Variants in ARHGEF4 observed in about 807,000 individuals in gnomAD.
ARHGEF4 encodes Rho guanine nucleotide exchange factor 4.
Under a neutral mutation model 162.0 loss-of-function variants are expected in ARHGEF4, and 119 were observed. The ratio of observed to expected loss-of-function variants is 0.73; its 90% confidence interval spans 0.63 to 0.86. The LOEUF is 0.86. Ranked by LOEUF, ARHGEF4 falls within the 40% of genes least tolerant of loss-of-function variation. The pLI, the probability that ARHGEF4 is intolerant of heterozygous loss-of-function variation, is 0.00. For synonymous variants in ARHGEF4, 1,014 were observed against 979.9 expected (o/e 1.03, Z -0.65); for missense variants, 2,488 against 2,456.0 (o/e 1.01, Z -0.28).
At chr2:131,002,756 G>A (rs926320058) in intron 4 of ARHGEF4, among the ~76,000 whole-genome samples, 8 of 150,990 alleles carry the variant, frequency 5.3e-5, no homozygotes, top group African/African-American at 1.9e-4. Flanking sequence ...TGTGGGGGCT[G>A]GGGGTGAAGG....
At chr2:131,042,203 G>C (rs369241358) in intron 10 of ARHGEF4, among the ~76,000 whole-genome samples, 115 of 152,346 alleles carry the variant, frequency 7.5e-4, no homozygotes, top group African/African-American at 2.6e-3. Context: ...CAGCCCAGGA[G>C]AAGCCCTCAA....
At position 130,859,422 on chromosome 2, in the gene ARHGEF4, C is replaced by T. The variant is rs560000400; in HGVS notation, c.39+22430C>T. On this transcript the variant is annotated intron_variant, in intron 1 of 13. Transcript: ENST00000409359. ...AAAAATTTCAAATCAAATTGTGTAT[C>T]TGATAAAGAATTTGTATCCAGAATA... is the stretch of plus-strand genomic sequence containing the variant. Among the ~76,000 whole-genome samples, 26 of 93,920 alleles carry T rather than the reference C, an allele frequency of 2.8e-4. 2 individuals are homozygous for T. Among genetic ancestry groups the T allele is most frequent in the African/African-American group, 6.8e-4 (24 of 35,092 alleles). The allele number at this position is 93,920 out of a possible 152,430, so 61.6% of individuals were successfully genotyped here. A position where few individuals can be genotyped will look rare whatever the true frequency, so the allele number is the denominator to read the frequency against.
In ARHGEF4 at chr2:131,045,571, G is replaced by A. The variant is rs1443211371; in HGVS notation, c.5479+125G>A. 4 of 1,601,348 alleles carry A rather than the reference G, an allele frequency of 2.5e-6. No homozygotes were observed. In the African/African-American group the frequency reaches 4.0e-5, roughly 16 times the overall value. On this transcript the variant is annotated intron_variant, in intron 13 of 13. Transcript: ENST00000409359. Reference sequence around the variant, plus strand: ...GCCTGAGGGGGGCCCACTGCCCTTTGCAGCTGTTTGTTCCCAAAGGTTGGT... The same window carrying A: ...GCCTGAGGGGGGCCCACTGCCCTTTACAGCTGTTTGTTCCCAAAGGTTGGT...
intron 9 of ARHGEF4, 128 bp downstream of exon 9, chr2:131,041,590 C>G (rs1377424375): frequency 8.9e-7 from 1 of 1,123,812 alleles, no homozygotes; most frequent in African/African-American, 1.6e-5. Context: ...TAGCCCTGTC[C>G]TGATGAGCTC....
chr2:130,866,592 A>G (rs749919065), intron 1 of ARHGEF4, among the ~76,000 whole-genome samples: 2 of 152,170 alleles, frequency 1.3e-5, no homozygotes, highest in Non-Finnish European at 2.9e-5. Context: ...TTTATCACAT[A>G]GGTATGTTGA....
At chr2:130,887,427 T>C (rs1051203161) in intron 1 of ARHGEF4, among the ~76,000 whole-genome samples, 1 of 152,130 alleles carries the variant, frequency 6.6e-6, no homozygotes, top group African/African-American at 2.4e-5. Context: ...AAGCCTAGTT[T>C]TGTTAAATTA....
At chr2:130,969,096 G>T (rs1310803647) in intron 4 of ARHGEF4, among the ~76,000 whole-genome samples, 1 of 152,070 alleles carries the variant, frequency 6.6e-6, no homozygotes, top group Non-Finnish European at 1.5e-5. Flanking sequence ...GAACATCATA[G>T]CTTAGCCCAG....
At chr2:130,996,041 C>G (rs561419368) in intron 4 of ARHGEF4, among the ~76,000 whole-genome samples, 1 of 152,202 alleles carries the variant, frequency 6.6e-6, no homozygotes, top group Non-Finnish European at 1.5e-5. Flanking sequence ...AGGCGCCCGC[C>G]ACCATGCCCA....
Position 130,941,793 on chromosome 2 carries a change from G to A in ARHGEF4, c.3859-4716G>A, listed in dbSNP as rs1004861471. The stretch of plus-strand genomic sequence containing the variant: ...ATAGGCTAAGGAGGAGGAAGGAGAG[G>A]AGCAGTTGGTCTTGTCTCAGAAGTG... On this transcript the variant is annotated intron_variant, in intron 3 of 13. Coordinates refer to ENST00000409359, the MANE Select transcript of ARHGEF4 (RefSeq NM_001367493.1). Among the ~76,000 whole-genome samples, 5 of 152,156 alleles carry A rather than the reference G, an allele frequency of 3.3e-5. No individual in the cohort carries two copies. The East Asian group carries it at 7.7e-4, about 23-fold the overall frequency.
Position 131,043,487 on chromosome 2 carries a change from C to G in ARHGEF4, c.5061C>G (p.Ile1687Met). 2 of 1,614,104 alleles carry G rather than the reference C, an allele frequency of 1.2e-6. No individual in the cohort carries two copies. Among genetic ancestry groups the G allele is most frequent in the Non-Finnish European group, 1.7e-6 (2 of 1,180,032 alleles). ...TCTTGGTCAGGAGCTCAGAACTCAT[C>G]TACTCGGGGGAGCTGACTCGAGTTA... ...EDLLVRSSEL[I>M]YSGELTRVTQ... The change falls in exon 11 of 14, where the codon ATC (isoleucine) becomes ATG (methionine). Residue 1687 changes from isoleucine to methionine, a missense_variant. By Grantham distance (10) the Ile-to-Met change is conservative. Around this residue, in one of 6 missense-constraint regions of ARHGEF4, gnomAD observed 415 missense variants for 512.4 expected, o/e 0.81. Transcript: ENST00000409359.
At chr2:130,926,443 C>G (rs908959647) in intron 2 of ARHGEF4, among the ~76,000 whole-genome samples, 1 of 152,068 alleles carries the variant, frequency 6.6e-6, no homozygotes, top group East Asian at 1.9e-4. Flanking sequence ...TTTCCCTGTT[C>G]TTGTTATGAT....
In ARHGEF4 at chr2:130,857,068, T is replaced by A. The variant is rs1247881697; in HGVS notation, c.39+20076T>A. Among the ~76,000 whole-genome samples the A allele has an allele frequency of 3.3e-5, 5 of 151,408 alleles. 1 individual carries two copies. The highest frequency in any genetic ancestry group is 4.4e-5 in the Non-Finnish European group (3 of 67,856). Reference sequence around the variant, plus strand: ...AAACCCCGTCTCTACTAAAAAAAAATAATAATACAAAAAATTAGCTGGGCG... The same window carrying A: ...AAACCCCGTCTCTACTAAAAAAAAAAAATAATACAAAAAATTAGCTGGGCG... On this transcript the variant is annotated intron_variant, in intron 1 of 13. Transcript: ENST00000409359.
At chr2:130,848,660 C>T (rs953654913) in intron 1 of ARHGEF4, among the ~76,000 whole-genome samples, 2 of 152,146 alleles carry the variant, frequency 1.3e-5, no homozygotes, top group East Asian at 1.9e-4. Flanking sequence ...CCTCCAGTGC[C>T]GGGCTTGGAG....
At chr2:130,948,409 C>T (rs1683751512) in intron 4 of ARHGEF4, among the ~76,000 whole-genome samples, 1 of 152,196 alleles carries the variant, frequency 6.6e-6, no homozygotes, top group Non-Finnish European at 1.5e-5. Context: ...CAATTTCTTG[C>T]ATGAGCCCTT....
chr2:130,937,356 A>G (rs553978045), intron 3 of ARHGEF4, among the ~76,000 whole-genome samples: 1 of 152,136 alleles, frequency 6.6e-6, no homozygotes, highest in Non-Finnish European at 1.5e-5. Flanking sequence ...TCAATTGGCC[A>G]TCTTCAAATC....
chr2:130,886,227 T>G (rs1456225631), intron 1 of ARHGEF4, among the ~76,000 whole-genome samples: 1 of 152,112 alleles, frequency 6.6e-6, no homozygotes, highest in Admixed American at 6.5e-5. Context: ...GATTTGATGA[T>G]GCTTTGTTTT....
intron 4 of ARHGEF4, chr2:130,964,197 C>G: frequency 3.0e-6 from 3 of 985,312 alleles, no homozygotes; most frequent in Non-Finnish European, 3.6e-6. Context: ...GGGGCATGCG[C>G]GGCGCCGTGT....
chr2:131,045,531 C>A (rs771135291), intron 13 of ARHGEF4, 85 bp downstream of exon 13: 1 of 1,612,338 alleles, frequency 6.2e-7, no homozygotes, highest in Non-Finnish European at 8.5e-7. Flanking sequence ...CAAAGCCAAG[C>A]CAGCTAGCCA....
chr2:130,924,565 T>C (rs1682113971), intron 2 of ARHGEF4, among the ~76,000 whole-genome samples: 1 of 152,148 alleles, frequency 6.6e-6, no homozygotes, highest in South Asian at 2.1e-4. Context: ...CACGAGGCAG[T>C]CCTCTGGTGT....
Sources: gnomAD v4.1 joint callset for allele counts (sites outside exome capture counted in the v4.1 genomes callset) on GRCh38, gnomAD v4.1.1 for gene constraint, gnomAD v4.1.1 regional missense constraint, MANE v1.5 for transcripts, NCBI Gene and HGNC (gene_info 2026-07-23, HGNC 2026-07-21) for gene names.